LAMA2: variants seen among roughly 807,000 people sequenced by gnomAD.
The protein encoded by LAMA2 is laminin subunit alpha-2.
Under a neutral mutation model 364.8 loss-of-function variants are expected in LAMA2, and 269 were observed. The ratio of observed to expected loss-of-function variants is 0.74; its 90% CI spans 0.67 to 0.82. The LOEUF is 0.82. Ranked by LOEUF, LAMA2 falls within the 40% of genes least tolerant of loss-of-function variation. LAMA2 has a pLI of 0.00. For missense variants in LAMA2, 3,807 were observed against 3,873.2 expected, an observed-to-expected ratio of 0.98 and a Z score of 0.45; for synonymous variants, 1,379 against 1,370.6, an observed-to-expected ratio of 1.01 and a Z score of -0.14.
intron 1 of LAMA2, among the ~76,000 whole-genome samples, chr6:129,005,662 T>G (rs1328309134): frequency 1.3e-5 from 2 of 151,268 alleles, no homozygotes; most frequent in African/African-American, 4.8e-5. Context: ...GTTCAATTAT[T>G]CTAAAGTTCT....
intron 12 of LAMA2, among the ~76,000 whole-genome samples, chr6:129,219,937 G>C (rs138186904): frequency 6.7e-6 from 1 of 150,034 alleles, no homozygotes; most frequent in Non-Finnish European, 1.5e-5. Context: ...ACTGGCACAT[G>C]GTGCACATGT....
At chr6:129,076,498 TAA>T (rs1491138911) in intron 3 of LAMA2, among the ~76,000 whole-genome samples, 15 of 12,260 alleles carry the variant, frequency 1.2e-3, no homozygotes, top group African/African-American at 2.2e-3. Flanking sequence ...ATATTATATA[TAA>T]ATATATATAT....
chr6:128,934,807 C>A (rs1001666991), intron 1 of LAMA2, among the ~76,000 whole-genome samples: 10 of 152,134 alleles, frequency 6.6e-5, no homozygotes, highest in African/African-American at 1.9e-4. Context: ...CTACACCCGG[C>A]CATTTTTTCT....
chr6:128,918,549 A>T (rs1238583761), intron 1 of LAMA2, among the ~76,000 whole-genome samples: 1 of 152,232 alleles, frequency 6.6e-6, no homozygotes, highest in Non-Finnish European at 1.5e-5. Context: ...CGTAAACACT[A>T]TCTAGAAAAT....
rs532371720 is a variant in LAMA2 at position 129,141,875 on chromosome 6, TGTGTGA to T, written c.640-2014_640-2009del. 2.5e-3 allele frequency among the ~76,000 whole-genome samples: 384 copies of T among 152,108 alleles called. 1 individual carries two copies. Among genetic ancestry groups the T allele is most frequent in the African/African-American group, 8.5e-3 (352 of 41,462 alleles). On this transcript the variant is annotated intron_variant, in intron 4 of 64. Transcript: ENST00000421865. ...GTGTGCATGTTTGTGTGTGTATGTGTGTGTGAGTGTGAGTGTGTATGTGTATTTTCA... is the reference window on the plus strand; with the variant it reads ...GTGTGCATGTTTGTGTGTGTATGTGTGTGTGAGTGTGTATGTGTATTTTCA...
At chr6:129,391,181 G>T (rs1779296851) in intron 35 of LAMA2, among the ~76,000 whole-genome samples, 1 of 151,762 alleles carries the variant, frequency 6.6e-6, no homozygotes, top group African/African-American at 2.4e-5. Context: ...ACAGGTCACT[G>T]TTTTTTTTAA....
At chr6:129,043,139 C>T (rs9402094) in intron 1 of LAMA2, among the ~76,000 whole-genome samples, 72,061 of 151,938 alleles carry the variant, frequency 0.47, 20,281 homozygotes, top group East Asian at 0.81. Flanking sequence ...TTTGATTGTT[C>T]TACAAACTTT....
rs1408170575 is a variant in LAMA2, at chr6:129,017,273, C to A, written c.113-32645C>A. Among the ~76,000 whole-genome samples, 8 of 151,838 alleles carry A rather than the reference C, an allele frequency of 5.3e-5. No individual in the cohort carries two copies. The South Asian group carries it at 1.7e-3, about 32-fold the overall frequency. On this transcript the variant is annotated intron_variant, in intron 1 of 64. Transcript: ENST00000421865. ...TTCAGCAATTCAATTTCCACATTTT[C>A]TTTTGTTTCTATTTTTGTGAGGCAC...
intron 20 of LAMA2, among the ~76,000 whole-genome samples, chr6:129,296,888 C>A (rs1395572736): frequency 6.6e-6 from 1 of 152,082 alleles, no homozygotes; most frequent in Non-Finnish European, 1.5e-5. Context: ...TCTAACGTTT[C>A]ATTTTAAGCC....
At chr6:129,294,378 C>T (rs1341153888) in intron 20 of LAMA2, among the ~76,000 whole-genome samples, 3 of 152,072 alleles carry the variant, frequency 2.0e-5, no homozygotes, top group Non-Finnish European at 2.9e-5. Context: ...TCATTTCTCA[C>T]GATTCTAGAG....
chr6:128,948,568 G>A (rs1780619898), intron 1 of LAMA2, among the ~76,000 whole-genome samples: 2 of 152,160 alleles, frequency 1.3e-5, no homozygotes, highest in South Asian at 4.1e-4. Context: ...TTTGGGAAAT[G>A]TGATTGATAT....
chr6:129,026,385 A>G (rs1299066065), intron 1 of LAMA2, among the ~76,000 whole-genome samples: 3 of 152,204 alleles, frequency 2.0e-5, no homozygotes, highest in Non-Finnish European at 4.4e-5. Flanking sequence ...AATATTTTGC[A>G]TGAAGATGGT....
intron 1 of LAMA2, among the ~76,000 whole-genome samples, chr6:129,020,901 T>C (rs933024588): frequency 6.6e-6 from 1 of 152,188 alleles, no homozygotes; most frequent in Non-Finnish European, 1.5e-5. Flanking sequence ...CAAAGCGCCA[T>C]ACTTTGGAGT....
intron 2 of LAMA2, among the ~76,000 whole-genome samples, chr6:129,053,616 T>G (rs1788251335): frequency 6.6e-6 from 1 of 152,030 alleles, no homozygotes; most frequent in Admixed American, 6.6e-5. Context: ...GGAAAGAATT[T>G]TTAGGAAGAA....
At chr6:129,317,104 C>G (rs1774662246) in intron 27 of LAMA2, among the ~76,000 whole-genome samples, 1 of 152,118 alleles carries the variant, frequency 6.6e-6, no homozygotes, top group Admixed American at 6.5e-5. Context: ...CATGGACCCT[C>G]ATGGTCATAT....
chr6:129,341,261 G>A (rs1776253412), intron 29 of LAMA2, among the ~76,000 whole-genome samples: 1 of 152,170 alleles, frequency 6.6e-6, no homozygotes, highest in African/African-American at 2.4e-5. Flanking sequence ...GTTCAAGCTG[G>A]CGGCTTCGTG....
intron 59 of LAMA2, 133 bp downstream of exon 59, chr6:129,502,904 A>G: frequency 1.2e-6 from 1 of 858,918 alleles, no homozygotes. Context: ...AGTACAATAG[A>G]GAATAGAATT....
chr6:129,214,677 C>G (rs931020891), intron 12 of LAMA2, among the ~76,000 whole-genome samples: 5 of 152,138 alleles, frequency 3.3e-5, no homozygotes, highest in African/African-American at 1.2e-4. Context: ...GTCTTGATAA[C>G]TATAGTTTTA....
chr6:128,951,213 T>C (rs2114568472), intron 1 of LAMA2, among the ~76,000 whole-genome samples: 1 of 152,296 alleles, frequency 6.6e-6, no homozygotes, highest in East Asian at 1.9e-4. Flanking sequence ...CCGTTTGACC[T>C]TGTACAAGTG....
Sources: gnomAD v4.1 joint callset for allele counts (sites outside exome capture counted in the v4.1 genomes callset) on GRCh38, gnomAD v4.1.1 for gene constraint, MANE v1.5 for transcripts, NCBI Gene and HGNC (gene_info 2026-07-23, HGNC 2026-07-21) for gene names.